Variants in BRAF observed in about 807,000 individuals in gnomAD.
The protein encoded by BRAF is B-Raf proto-oncogene, serine/threonine kinase.
In BRAF, 16 loss-of-function variants were observed where a neutral mutation model predicts 104.6. The observed-to-expected ratio is 0.15, with a 90% CI of 0.10 to 0.23. BRAF has a LOEUF of 0.23. Ranked by LOEUF, BRAF falls within the 10% of genes least tolerant of loss-of-function variation. The pLI is 1.00. For missense variants in BRAF, 541 were observed against 937.3 expected (o/e 0.58, Z 5.52); for synonymous variants, 310 against 341.6 (o/e 0.91, Z 1.02).
rs2075046 is a variant in BRAF at position 140,740,187 on chromosome 7, T to A, written c.2113-241A>T. ...GGCAAAGGTTCTCTAATTGCTCCCC[T>A]GCTTTTGGTCTCTCTTTATCCAGTC... On this transcript the variant is annotated intron_variant, in intron 17 of 19. Transcript: ENST00000644969. The A allele has an allele frequency of 0.1, 49,564 of 485,518 alleles. 3,767 individuals are homozygous for A. Among genetic ancestry groups the A allele is most frequent in the African/African-American group, 0.3 (15,370 of 51,304 alleles). 30.1% of individuals were successfully genotyped at this position (485,518 alleles called of 1,614,324 possible).
Position 140,722,390 on chromosome 7 carries a change from A to G in BRAF, c.*4104T>C, listed in dbSNP as rs752186314. 9.5e-7 allele frequency: 1 copy of G among 1,054,314 alleles called. No homozygotes were observed. The highest frequency in any genetic ancestry group is 1.1e-6 in the Non-Finnish European group (1 of 872,536). The allele number at this position is 1,054,314 out of a possible 1,614,324, so 65.3% of individuals were successfully genotyped here. A position where few individuals can be genotyped will look rare whatever the true frequency, so the allele number is the denominator to read the frequency against. ...TGGCTGCTCTCTTCACAAATCACTG[A>G]TTTCTGCTAAAATGTTAGCTTTTTT... On this transcript the variant is annotated 3_prime_UTR_variant, in exon 20 of 20. Coordinates refer to ENST00000644969, the MANE Select transcript of BRAF (RefSeq NM_001374258.1).
intron 1 of BRAF, among the ~76,000 whole-genome samples, chr7:140,866,552 A>G (rs933745891): frequency 2.0e-5 from 3 of 152,192 alleles, no homozygotes; most frequent in Non-Finnish European, 4.4e-5. Flanking sequence ...ATAAAATATT[A>G]AAAATTCTAT....
intron 1 of BRAF, among the ~76,000 whole-genome samples, chr7:140,872,760 G>C (rs1224971108): frequency 6.6e-6 from 1 of 152,116 alleles, no homozygotes; most frequent in Non-Finnish European, 1.5e-5. Context: ...CTATTCAGGA[G>C]GCCAAAGAGG....
intron 6 of BRAF, chr7:140,801,044 T>C (rs1403762897): frequency 9.3e-6 from 2 of 215,750 alleles, no homozygotes; most frequent in East Asian, 2.5e-4. Context: ...ATAAACGTAA[T>C]TTACAAAATA....
At position 140,724,001 on chromosome 7, in the gene BRAF, A is replaced by T. The variant is rs982469471; in HGVS notation, c.*2493T>A. On this transcript the variant is annotated 3_prime_UTR_variant, in exon 20 of 20. Transcript: ENST00000644969. The stretch of plus-strand genomic sequence containing the variant: ...AAAAAGGAAGAAAAGAGAGGTTTAA[A>T]TATTTTATTTTTTAAGGTATCTATA... 3 of 1,042,358 alleles carry T rather than the reference A, an allele frequency of 2.9e-6. No individual in the cohort carries two copies. The highest frequency in any genetic ancestry group is 3.3e-5 in the African/African-American group (2 of 59,784). The allele number at this position is 1,042,358 out of a possible 1,614,324, so 64.6% of individuals were successfully genotyped here. A position where few individuals can be genotyped will look rare whatever the true frequency, so the allele number is the denominator to read the frequency against.
chr7:140,825,835 TTTTAA>T (rs1805988707), intron 3 of BRAF, among the ~76,000 whole-genome samples: 1 of 152,196 alleles, frequency 6.6e-6, no homozygotes, highest in African/African-American at 2.4e-5. Flanking sequence ...CCCTGAGTGC[TTTTAA>T]AACAATATTC....
intron 1 of BRAF, among the ~76,000 whole-genome samples, chr7:140,855,971 TCACGC>T (rs1258379515): frequency 1.3e-5 from 2 of 151,834 alleles, no homozygotes; most frequent in Non-Finnish European, 2.9e-5. Flanking sequence ...TGAGCTGAGA[TCACGC>T]CACTATACTC....
intron 8 of BRAF, among the ~76,000 whole-genome samples, chr7:140,791,112 C>CAAAACA (rs1801915124): frequency 6.6e-6 from 1 of 151,752 alleles, no homozygotes; most frequent in Non-Finnish European, 1.5e-5. Context: ...AAAAACAAAA[C>CAAAACA]AAAACAAAAA....
At position 140,719,405 on chromosome 7, in the gene BRAF, C is replaced by T. The variant is rs1346365241; in HGVS notation, c.*7089G>A. 4 of 1,008,606 alleles carry T rather than the reference C, an allele frequency of 4.0e-6. No individual in the cohort carries two copies. The highest frequency in any genetic ancestry group is 4.8e-6 in the Non-Finnish European group (4 of 837,734). The allele number at this position is 1,008,606 out of a possible 1,614,324, so 62.5% of individuals were successfully genotyped here. A position where few individuals can be genotyped will look rare whatever the true frequency, so the allele number is the denominator to read the frequency against. ...ATCAAGTACATAGAACTTTTTTTGC[C>T]TTTTATATAATACAGTTTTTAAATA... On this transcript the variant is annotated 3_prime_UTR_variant, in exon 20 of 20. Coordinates refer to ENST00000644969, the MANE Select transcript of BRAF (RefSeq NM_001374258.1).
At chr7:140,817,507 C>A (rs2129052830) in intron 3 of BRAF, among the ~76,000 whole-genome samples, 1 of 152,198 alleles carries the variant, frequency 6.6e-6, no homozygotes, top group African/African-American at 2.4e-5. Context: ...GCAAAAAGAA[C>A]AAAACTGGAA....
intron 14 of BRAF, among the ~76,000 whole-genome samples, chr7:140,764,562 C>T (rs2129009189): frequency 6.6e-6 from 1 of 151,912 alleles, no homozygotes; most frequent in East Asian, 1.9e-4. Flanking sequence ...CTGTCTCAGC[C>T]CAAAATCTCC....
At chr7:140,746,991 GA>G (rs1371686595) in intron 17 of BRAF, among the ~76,000 whole-genome samples, 1 of 152,140 alleles carries the variant, frequency 6.6e-6, no homozygotes, top group Admixed American at 6.5e-5. Flanking sequence ...ATGGGTATGA[GA>G]GTCTAGGGGA....
intron 3 of BRAF, among the ~76,000 whole-genome samples, chr7:140,809,649 C>T (rs1258905875): frequency 6.6e-6 from 1 of 152,118 alleles, no homozygotes; most frequent in Non-Finnish European, 1.5e-5. Context: ...ATATATGACC[C>T]AAACAGTACC....
At chr7:140,719,277 G>A, downstream of BRAF, 1 of 780,762 alleles carries the variant, frequency 1.3e-6, no homozygotes, top group Non-Finnish European at 1.6e-6. Flanking sequence ...TGTTAAAACT[G>A]CTGACTACTT....
At chr7:140,759,234 T>C (rs1216217236) in intron 14 of BRAF, among the ~76,000 whole-genome samples, 1 of 152,208 alleles carries the variant, frequency 6.6e-6, no homozygotes, top group Non-Finnish European at 1.5e-5. Flanking sequence ...TTAGGTAGGA[T>C]TAGAATTGCA....
intron 18 of BRAF, among the ~76,000 whole-genome samples, chr7:140,736,013 G>C (rs903863840): frequency 1.3e-5 from 2 of 150,988 alleles, no homozygotes; most frequent in Non-Finnish European, 2.9e-5. Flanking sequence ...AGAGTATAAG[G>C]CTCTCAAATC....
chr7:140,877,861 C>T (rs1465024605), intron 1 of BRAF, among the ~76,000 whole-genome samples: 1 of 152,086 alleles, frequency 6.6e-6, no homozygotes, highest in Non-Finnish European at 1.5e-5. Context: ...TCTGAACACT[C>T]TTGTAACTAT....
At chr7:140,771,910 G>A (rs1435599379) in intron 14 of BRAF, among the ~76,000 whole-genome samples, 1 of 152,082 alleles carries the variant, frequency 6.6e-6, no homozygotes, top group Non-Finnish European at 1.5e-5. Flanking sequence ...GAGCTAAGAA[G>A]CAATATTAAT....
rs761770131 is a variant in BRAF at position 140,847,883 on chromosome 7, G to A, written c.240+2228C>T. On this transcript the variant is annotated intron_variant, in intron 2 of 19. Transcript: ENST00000644969. ...ATTATATTATACTGCTGCCTTCAGT[G>A]TGTGTGTATGTACATGTGTATATGC... Among the ~76,000 whole-genome samples, 47 of 152,012 alleles carry A rather than the reference G, an allele frequency of 3.1e-4. 1 individual carries two copies. The highest frequency in any genetic ancestry group is 5.9e-4 in the Non-Finnish European group (40 of 68,012).
Sources: gnomAD v4.1 joint callset for allele counts (sites outside exome capture counted in the v4.1 genomes callset) on GRCh38, gnomAD v4.1.1 for gene constraint, MANE v1.5 for transcripts, NCBI Gene and HGNC (gene_info 2026-07-23, HGNC 2026-07-21) for gene names.